The following BRD10 variants were observed in gnomAD, a reference collection of about 807,000 sequenced individuals.
The protein encoded by BRD10 is bromodomain containing 10, also known as uncharacterized bromodomain-containing protein 10.
the BRD10 span, among the ~76,000 whole-genome samples, chr9:5,885,805 G>C: frequency 2.0e-5 from 3 of 152,208 alleles, no homozygotes; most frequent in Non-Finnish European, 4.4e-5. Context: ...TGAGAGCTGG[G>C]ATTCAAGGCA....
chr9:5,892,680 G>A, the BRD10 span: 2 of 681,042 alleles, frequency 2.9e-6, no homozygotes, highest in South Asian at 2.4e-5. Context: ...TAACATCCCT[G>A]GCAACAAGGG....
chr9:5,991,916 C>G, the BRD10 span, among the ~76,000 whole-genome samples: 1 of 152,136 alleles, frequency 6.6e-6, no homozygotes, highest in Non-Finnish European at 1.5e-5. Context: ...CTACAAAACT[C>G]TCCATTTTAT....
At chr9:5,939,883 T>C in the BRD10 span, among the ~76,000 whole-genome samples, 1 of 152,188 alleles carries the variant, frequency 6.6e-6, no homozygotes, top group Admixed American at 6.5e-5. Flanking sequence ...TGACAATCAA[T>C]GTGTCCTAGG....
At chr9:5,950,672 C>T in the BRD10 span, among the ~76,000 whole-genome samples, 1,518 of 152,200 alleles carry the variant, frequency 1.0e-2, 14 homozygotes, top group Non-Finnish European at 0.016. Flanking sequence ...GAAAAAGTGG[C>T]ACACATTTGG....
chr9:5,940,648 C>A, the BRD10 span, among the ~76,000 whole-genome samples: 33 of 152,150 alleles, frequency 2.2e-4, 1 homozygote, highest in Admixed American at 2.1e-3. Flanking sequence ...ATTTCCACTA[C>A]GAGGGGTGGT....
At chr9:5,896,887 C>T in the BRD10 span, among the ~76,000 whole-genome samples, 4 of 152,198 alleles carry the variant, frequency 2.6e-5, no homozygotes, top group Admixed American at 1.3e-4. Flanking sequence ...TAGGTTCAGC[C>T]CAGACACTTC....
At chr9:6,004,479 T>C in the BRD10 span, among the ~76,000 whole-genome samples, 2 of 152,326 alleles carry the variant, frequency 1.3e-5, no homozygotes, top group East Asian at 3.9e-4. Flanking sequence ...TGCTCTCTAA[T>C]GAGAATGTGG....
At chr9:5,903,803 T>C in the BRD10 span, among the ~76,000 whole-genome samples, 7 of 152,192 alleles carry the variant, frequency 4.6e-5, no homozygotes, top group Non-Finnish European at 7.3e-5. Context: ...GAAACTAATA[T>C]AGGAACTCCT....
chr9:5,986,297 A>G, the BRD10 span, among the ~76,000 whole-genome samples: 1 of 152,358 alleles, frequency 6.6e-6, no homozygotes, highest in Admixed American at 6.5e-5. Context: ...TGCAAATGAC[A>G]TGATCTAATT....
chr9:5,921,844 G>A, the BRD10 span: 6,932 of 1,613,916 alleles, frequency 4.3e-3, 39 homozygotes, highest in South Asian at 0.012. Flanking sequence ...TATCTATCAC[G>A]TGGCCCAAAT....
chr9:5,920,141 C>G, the BRD10 span: 1 of 1,613,852 alleles, frequency 6.2e-7, no homozygotes, highest in Non-Finnish European at 8.5e-7. Flanking sequence ...AGGTTGGCCA[C>G]TTAAGGAATT....
At chr9:5,982,763 G>A in the BRD10 span, among the ~76,000 whole-genome samples, 1 of 152,196 alleles carries the variant, frequency 6.6e-6, no homozygotes, top group African/African-American at 2.4e-5. Context: ...CTTTCTGACT[G>A]AAGGCAGTTT....
chr9:5,902,699 G>T, the BRD10 span, among the ~76,000 whole-genome samples: 5 of 151,456 alleles, frequency 3.3e-5, no homozygotes, highest in East Asian at 3.9e-4. Flanking sequence ...TAGAGACAGA[G>T]TCTCACTATG....
chr9:5,915,869 G>A, the BRD10 span, among the ~76,000 whole-genome samples: 1 of 152,272 alleles, frequency 6.6e-6, no homozygotes, highest in East Asian at 1.9e-4. Flanking sequence ...TAGATGCCTT[G>A]AATTTGTTTG....
chr9:5,899,655 T>C, the BRD10 span, among the ~76,000 whole-genome samples: 991 of 152,320 alleles, frequency 6.5e-3, 11 homozygotes, highest in African/African-American at 0.023. Context: ...ATCTCTGCCA[T>C]AGAACTCCAT....
the BRD10 span, chr9:5,891,236 T>C: frequency 2.6e-5 from 4 of 152,222 alleles, no homozygotes; most frequent in Non-Finnish European, 5.9e-5. Context: ...GAACCACTTC[T>C]CCTGGTCTGA....
At chr9:5,992,642 C>T in the BRD10 span, among the ~76,000 whole-genome samples, 1 of 151,848 alleles carries the variant, frequency 6.6e-6, no homozygotes, top group Non-Finnish European at 1.5e-5. Context: ...TAATAATATG[C>T]TGCCATCCAT....
At chr9:5,993,706 C>G in the BRD10 span, among the ~76,000 whole-genome samples, 82 of 152,266 alleles carry the variant, frequency 5.4e-4, no homozygotes, top group African/African-American at 1.9e-3. Context: ...TATGTCTGTC[C>G]TCTCTGTCCT....
the BRD10 span, among the ~76,000 whole-genome samples, chr9:5,986,019 T>C: frequency 6.6e-6 from 1 of 152,214 alleles, no homozygotes; most frequent in Non-Finnish European, 1.5e-5. Context: ...CATGCAGGTT[T>C]GTTACACAGG....
Sources: allele counts gnomAD v4.1 joint callset (sites outside exome capture counted in the v4.1 genomes callset), GRCh38; gene constraint gnomAD v4.1.1; transcripts MANE v1.5; gene names NCBI Gene and HGNC (gene_info 2026-07-23, HGNC 2026-07-21).